Variants in TAFA5 observed in about 807,000 individuals in gnomAD.
TAFA5 encodes the protein chemokine-like protein TAFA-5.
Under a neutral mutation model 15.3 loss-of-function variants are expected in TAFA5, and 6 were observed. The ratio of observed to expected loss-of-function variants is 0.39; its 90% confidence interval spans 0.21 to 0.77. TAFA5 has a LOEUF of 0.77. Among genes scored for constraint, TAFA5 ranks in the 30% least tolerant of loss-of-function variants. The probability of loss-of-function intolerance (pLI) is 0.41; values close to 1 mark genes in which losing one functional copy is unlikely to be tolerated. For synonymous variants in TAFA5, 103 were observed against 80.7 expected (o/e 1.28, Z -1.48); for missense variants, 161 against 193.1 (o/e 0.83, Z 0.98).
Position 48,646,584 on chromosome 22 carries a change from C to T in TAFA5, c.113-13C>T, listed in dbSNP as rs755722632. 1.4e-5 allele frequency: 22 copies of T among 1,611,740 alleles called. No homozygotes were observed. The highest frequency in any genetic ancestry group is 1.6e-5 in the Non-Finnish European group (19 of 1,179,420). On this transcript the variant is annotated splice_polypyrimidine_tract_variant and intron_variant, in intron 1 of 3. Coordinates refer to ENST00000402357, the MANE Select transcript of TAFA5 (RefSeq NM_001082967.3). ...ACGTGTGGCCGCTCAGTCGCTTCTG[C>T]TCCTCTCTGCAGGTCAGCTGGCCGC...
At chr22:48,569,038 C>T (rs534358924) in intron 1 of TAFA5, among the ~76,000 whole-genome samples, 480 of 152,348 alleles carry the variant, frequency 3.2e-3, no homozygotes, top group African/African-American at 0.011. Flanking sequence ...GGGGCAGGGC[C>T]GGGCTGTGAG....
intron 1 of TAFA5, among the ~76,000 whole-genome samples, chr22:48,605,216 G>GTGATGGTGGTGATGA (rs1925123990): frequency 1.3e-5 from 1 of 74,970 alleles, no homozygotes; most frequent in Non-Finnish European, 2.8e-5. Context: ...GGTGGTGATG[G>GTGATGGTGGTGATGA]TGGTGATGGT....
At chr22:48,707,932 A>T in intron 3 of TAFA5, 88 bp downstream of exon 3, 1 of 1,509,656 alleles carries the variant, frequency 6.6e-7, no homozygotes, top group East Asian at 2.3e-5. Flanking sequence ...CCGCGGGGAC[A>T]GGTGGCAGCT....
At chr22:48,628,933 C>G (rs1054763858) in intron 1 of TAFA5, among the ~76,000 whole-genome samples, 9 of 152,152 alleles carry the variant, frequency 5.9e-5, no homozygotes, top group Non-Finnish European at 1.0e-4. Flanking sequence ...CTCAGGCGTG[C>G]AGTGTGACCA....
In TAFA5 at chr22:48,750,228, G is replaced by A. The variant is rs990047508; in HGVS notation, c.*381G>A. 6.2e-6 allele frequency: 2 copies of A among 323,568 alleles called. No homozygotes were observed. Among genetic ancestry groups the A allele is most frequent in the African/African-American group, 4.3e-5 (2 of 46,626 alleles). The allele number at this position is 323,568 out of a possible 1,614,324, so 20.0% of individuals were successfully genotyped here. A position where few individuals can be genotyped will look rare whatever the true frequency, so the allele number is the denominator to read the frequency against. On this transcript the variant is annotated 3_prime_UTR_variant, in exon 4 of 4. Coordinates refer to ENST00000402357, the MANE Select transcript of TAFA5 (RefSeq NM_001082967.3). ...CCAGCCCGCCTGAGACACGACGCCTGCCCCAGGGGACTGTCAGGCACAGAA... is the reference window on the plus strand; with the variant it reads ...CCAGCCCGCCTGAGACACGACGCCTACCCCAGGGGACTGTCAGGCACAGAA...
At chr22:48,695,586 T>C (rs1928684652) in intron 2 of TAFA5, among the ~76,000 whole-genome samples, 3 of 152,216 alleles carry the variant, frequency 2.0e-5, no homozygotes, top group Admixed American at 6.5e-5. Context: ...TGTCTGTCTG[T>C]TCCCCTGGAG....
intron 2 of TAFA5, among the ~76,000 whole-genome samples, chr22:48,666,660 A>G (rs1299682566): frequency 6.6e-6 from 1 of 152,132 alleles, no homozygotes; most frequent in Non-Finnish European, 1.5e-5. Flanking sequence ...GCTTTGGTAA[A>G]TATGCAGTGC....
chr22:48,621,365 C>A (rs138670622), intron 1 of TAFA5, among the ~76,000 whole-genome samples: 80 of 151,888 alleles, frequency 5.3e-4, no homozygotes, highest in African/African-American at 1.9e-3. Context: ...ATCCACACAC[C>A]CACCCATCCA....
intron 2 of TAFA5, among the ~76,000 whole-genome samples, chr22:48,671,932 G>T (rs967952774): frequency 3.3e-5 from 5 of 152,278 alleles, no homozygotes; most frequent in Middle Eastern, 3.4e-3. Context: ...TGCATCCTTG[G>T]GGTCCAGATC....
chr22:48,513,847 T>C (rs1921310973), intron 1 of TAFA5, among the ~76,000 whole-genome samples: 1 of 152,208 alleles, frequency 6.6e-6, no homozygotes, highest in Non-Finnish European at 1.5e-5. Context: ...TTGGCAGCCC[T>C]GTCTGGGCGC....
intron 1 of TAFA5, among the ~76,000 whole-genome samples, chr22:48,645,014 A>G (rs1926814546): frequency 6.6e-6 from 1 of 152,210 alleles, no homozygotes; most frequent in Non-Finnish European, 1.5e-5. Context: ...TGGGGAGGAC[A>G]CCAAATTCTT....
chr22:48,701,188 G>A (rs556903537), intron 2 of TAFA5, among the ~76,000 whole-genome samples: 112 of 152,304 alleles, frequency 7.4e-4, no homozygotes, highest in Non-Finnish European at 9.8e-4. Context: ...AGGACATGGG[G>A]CAGAGGGTAG....
intron 3 of TAFA5, among the ~76,000 whole-genome samples, chr22:48,720,031 G>A (rs1159063971): frequency 6.6e-6 from 1 of 152,182 alleles, no homozygotes; most frequent in Non-Finnish European, 1.5e-5. Flanking sequence ...CATTAGGCTC[G>A]ATCTTCCTTA....
At chr22:48,623,358 G>A (rs1377200343) in intron 1 of TAFA5, among the ~76,000 whole-genome samples, 2 of 142,764 alleles carry the variant, frequency 1.4e-5, no homozygotes, top group African/African-American at 5.3e-5. Context: ...GGGACGGGAC[G>A]TGTCGCGTGG....
chr22:48,702,198 G>A (rs1320539623), intron 2 of TAFA5, among the ~76,000 whole-genome samples: 1 of 152,152 alleles, frequency 6.6e-6, no homozygotes, highest in East Asian at 1.9e-4. Flanking sequence ...GTGTGTGCCT[G>A]TGTCTACATA....
At chr22:48,658,237 A>AGGG (rs1927315237) in intron 2 of TAFA5, among the ~76,000 whole-genome samples, 25 of 147,492 alleles carry the variant, frequency 1.7e-4, no homozygotes, top group South Asian at 4.4e-4. Context: ...TCCTGAGGGC[A>AGGG]GGGTGGGTGG....
intron 1 of TAFA5, among the ~76,000 whole-genome samples, chr22:48,528,607 G>T (rs796214174): frequency 1.1e-4 from 17 of 152,346 alleles, no homozygotes; most frequent in African/African-American, 3.8e-4. Flanking sequence ...TGGCCTCGGG[G>T]ACTGTGGTTT....
In TAFA5 at chr22:48,687,353, G is replaced by A. The variant is rs545430849; in HGVS notation, c.263-20364G>A. The stretch of plus-strand genomic sequence containing the variant: ...CAGGTGGATGGATGGATTAGTGGGT[G>A]ATGGATGGATGGTGGATGATGCATG... On this transcript the variant is annotated intron_variant, in intron 2 of 3. Coordinates refer to ENST00000402357, the MANE Select transcript of TAFA5 (RefSeq NM_001082967.3). 3.3e-5 allele frequency among the ~76,000 whole-genome samples: 5 copies of A among 151,266 alleles called. No homozygotes were observed. The South Asian group carries it at 1.1e-3, about 32-fold the overall frequency.
chr22:48,575,341 C>G (rs1923730812), intron 1 of TAFA5, among the ~76,000 whole-genome samples: 1 of 150,890 alleles, frequency 6.6e-6, no homozygotes, highest in African/African-American at 2.4e-5. Context: ...CCCCGGGGTC[C>G]CTCGCGGCCC....
Sources: allele counts gnomAD v4.1 joint callset (sites outside exome capture counted in the v4.1 genomes callset), GRCh38; gene constraint gnomAD v4.1.1; transcripts MANE v1.5; gene names NCBI Gene and HGNC (gene_info 2026-07-23, HGNC 2026-07-21).